The following PARD3 variants were observed in gnomAD, a reference collection of about 807,000 sequenced individuals.
The protein encoded by PARD3 is par-3 family cell polarity regulator.
Under a neutral mutation model 155.4 loss-of-function variants are expected in PARD3, and 75 were observed. The observed-to-expected ratio is 0.48, with a 90% CI of 0.40 to 0.58. The LOEUF (loss-of-function observed/expected upper bound fraction) is 0.58. PARD3 is among the 20% of genes least tolerant of loss of function. The probability of loss-of-function intolerance (pLI) is 0.00; values close to 1 mark genes in which losing one functional copy is unlikely to be tolerated. For synonymous variants in PARD3, 576 were observed against 610.5 expected, an observed-to-expected ratio of 0.94 and a Z score of 0.83; for missense variants, 1,642 against 1,721.7, an observed-to-expected ratio of 0.95 and a Z score of 0.82.
At chr10:34,512,971 T>A (rs1383039492) in intron 3 of PARD3, among the ~76,000 whole-genome samples, 1 of 152,166 alleles carries the variant, frequency 6.6e-6, no homozygotes, top group Non-Finnish European at 1.5e-5. Flanking sequence ...TTAGGATACA[T>A]CTCCCTTTGT....
intron 1 of PARD3, among the ~76,000 whole-genome samples, chr10:34,727,518 A>G (rs75106849): frequency 0.012 from 1,811 of 152,246 alleles, 43 homozygotes; most frequent in African/African-American, 0.042. Context: ...TGTAGTCAAA[A>G]TTTATTTAAC....
chr10:34,247,637 G>A (rs1264359093), intron 22 of PARD3, among the ~76,000 whole-genome samples: 1 of 152,110 alleles, frequency 6.6e-6, no homozygotes, highest in Non-Finnish European at 1.5e-5. Flanking sequence ...AACATAAAGA[G>A]GAGAGAAATG....
intron 2 of PARD3, among the ~76,000 whole-genome samples, chr10:34,563,411 G>A (rs1032805968): frequency 2.6e-5 from 4 of 152,072 alleles, no homozygotes; most frequent in Non-Finnish European, 5.9e-5. Flanking sequence ...ACTCTCACCA[G>A]GCTGGACTGC....
intron 22 of PARD3, among the ~76,000 whole-genome samples, chr10:34,242,055 C>A (rs1366262444): frequency 6.6e-6 from 1 of 152,156 alleles, no homozygotes; most frequent in Non-Finnish European, 1.5e-5. Flanking sequence ...TGATAACCAG[C>A]TGGCATGGTC....
intron 14 of PARD3, among the ~76,000 whole-genome samples, chr10:34,352,718 G>A (rs182539466): frequency 1.2e-3 from 179 of 152,308 alleles, no homozygotes; most frequent in African/African-American, 3.9e-3. Flanking sequence ...GCAGCCGCCT[G>A]CCTTGGCCTC....
chr10:34,385,177 A>G (rs1294407799), intron 7 of PARD3, among the ~76,000 whole-genome samples: 1 of 152,154 alleles, frequency 6.6e-6, no homozygotes, highest in Admixed American at 6.5e-5. Context: ...CTTGTCGTCC[A>G]GGCTGTAGTG....
intron 3 of PARD3, among the ~76,000 whole-genome samples, chr10:34,470,556 T>C (rs2078283783): frequency 6.6e-6 from 1 of 152,232 alleles, no homozygotes; most frequent in South Asian, 2.1e-4. Flanking sequence ...TCTCTGCCTC[T>C]AGTCCTTTCC....
chr10:34,453,159 C>T (rs1436677994), intron 4 of PARD3, among the ~76,000 whole-genome samples: 2 of 152,228 alleles, frequency 1.3e-5, no homozygotes, highest in African/African-American at 4.8e-5. Context: ...CTGTACCACA[C>T]AAACTTCTTC....
At chr10:34,269,102 A>C (rs1309142187) in intron 22 of PARD3, among the ~76,000 whole-genome samples, 1 of 152,178 alleles carries the variant, frequency 6.6e-6, no homozygotes, top group Non-Finnish European at 1.5e-5. Context: ...AAATACAGTT[A>C]ACATTGCACT....
chr10:34,231,616 G>A (rs1306601596), intron 22 of PARD3, among the ~76,000 whole-genome samples: 1 of 151,996 alleles, frequency 6.6e-6, no homozygotes, highest in African/African-American at 2.4e-5. Flanking sequence ...CTCTGACATG[G>A]ACAGATTTGC....
intron 5 of PARD3, among the ~76,000 whole-genome samples, chr10:34,424,264 T>C (rs937557534): frequency 1.5e-4 from 23 of 152,242 alleles, no homozygotes; most frequent in Middle Eastern, 3.4e-3. Flanking sequence ...AAGAGTTTCT[T>C]AGGATGAACA....
At chr10:34,709,023 T>C (rs1311561117) in intron 1 of PARD3, among the ~76,000 whole-genome samples, 3 of 152,152 alleles carry the variant, frequency 2.0e-5, no homozygotes, top group East Asian at 3.9e-4. Flanking sequence ...TACACATATA[T>C]GTACATGTGC....
At chr10:34,700,161 T>C (rs1226370173) in intron 1 of PARD3, among the ~76,000 whole-genome samples, 1 of 152,170 alleles carries the variant, frequency 6.6e-6, no homozygotes, top group Non-Finnish European at 1.5e-5. Context: ...AATGTCCTCA[T>C]GGGGCAAGGC....
intron 2 of PARD3, among the ~76,000 whole-genome samples, chr10:34,645,428 A>G (rs150149770): frequency 1.8e-3 from 277 of 151,854 alleles, no homozygotes; most frequent in African/African-American, 6.5e-3. Flanking sequence ...CTGGTCTCGA[A>G]CTCCTGACGT....
intron 2 of PARD3, among the ~76,000 whole-genome samples, chr10:34,590,348 G>A (rs759736510): frequency 6.6e-6 from 1 of 152,170 alleles, no homozygotes; most frequent in Non-Finnish European, 1.5e-5. Flanking sequence ...CAGAATATAT[G>A]AGGAATTGTT....
chr10:34,526,164 C>G (rs1488296573), intron 2 of PARD3, among the ~76,000 whole-genome samples: 1 of 151,236 alleles, frequency 6.6e-6, no homozygotes, highest in Non-Finnish European at 1.5e-5. Flanking sequence ...ATCTCTCTTT[C>G]TCTCATACAC....
chr10:34,268,536 CA>C (rs1388680072), intron 22 of PARD3, among the ~76,000 whole-genome samples: 1 of 151,398 alleles, frequency 6.6e-6, no homozygotes, highest in Non-Finnish European at 1.5e-5. Context: ...CCCAAATGTC[CA>C]TCAATGATAG....
intron 3 of PARD3, among the ~76,000 whole-genome samples, chr10:34,490,291 G>C (rs764337797): frequency 6.6e-6 from 1 of 152,134 alleles, no homozygotes; most frequent in Non-Finnish European, 1.5e-5. Flanking sequence ...GTTCCCTTTA[G>C]CTAAGACGAG....
At chr10:34,777,916 C>T (rs1404845318) in intron 1 of PARD3, among the ~76,000 whole-genome samples, 1 of 151,734 alleles carries the variant, frequency 6.6e-6, no homozygotes, top group East Asian at 1.9e-4. Flanking sequence ...TGAGCACTGC[C>T]CTCCCTCCCG....
Sources: gnomAD v4.1 joint callset for allele counts (sites outside exome capture counted in the v4.1 genomes callset) on GRCh38, gnomAD v4.1.1 for gene constraint, MANE v1.5 for transcripts, NCBI Gene and HGNC (gene_info 2026-07-23, HGNC 2026-07-21) for gene names.